The following AGAP1 variants were observed in gnomAD, a reference collection of about 807,000 sequenced individuals.
AGAP1 encodes arf-GAP with GTPase, ANK repeat and PH domain-containing protein 1.
In AGAP1, 29 loss-of-function variants were observed where a neutral mutation model predicts 105.3. That is an observed-to-expected ratio of 0.28 (90% CI 0.21 to 0.38). The LOEUF is 0.38. Ranked by LOEUF, AGAP1 falls within the 10% of genes least tolerant of loss-of-function variation. The probability of loss-of-function intolerance (pLI) is 1.00; values close to 1 mark genes in which losing one functional copy is unlikely to be tolerated. For synonymous variants in AGAP1, 509 were observed against 485.9 expected, an observed-to-expected ratio of 1.05 and a Z score of -0.63; for missense variants, 998 against 1,165.1, an observed-to-expected ratio of 0.86 and a Z score of 2.09.
chr2:235,766,387 G>T (rs2696386), intron 6 of AGAP1, among the ~76,000 whole-genome samples: 1 of 152,028 alleles, frequency 6.6e-6, no homozygotes. Flanking sequence ...TTAGTAAACC[G>T]CCACTAGGGG....
chr2:235,938,674 C>T (rs10208807), intron 12 of AGAP1, among the ~76,000 whole-genome samples: 90,150 of 151,932 alleles, frequency 0.59, 27,359 homozygotes, highest in South Asian at 0.75. Context: ...ACTAAGAGGA[C>T]GAGAGAGGTT....
Position 235,792,422 on chromosome 2 carries a change from A to G in AGAP1, c.674-5337A>G, listed in dbSNP as rs1426772061. On this transcript the variant is annotated intron_variant, in intron 6 of 17. Transcript: ENST00000304032. This position sits in a 1 kb window ranked among gnomAD's most constrained non-coding sequence, Gnocchi z 5.3. The stretch of plus-strand genomic sequence containing the variant: ...AGTGGACAAGCCACCTTCCCCAAAC[A>G]TGAAAGAGCCCAGTTTTGCTAAGGA... Among the ~76,000 whole-genome samples, 2 of 152,150 alleles carry G rather than the reference A, an allele frequency of 1.3e-5. No homozygotes were observed. Among genetic ancestry groups the G allele is most frequent in the African/African-American group, 2.4e-5 (1 of 41,412 alleles).
intron 9 of AGAP1, among the ~76,000 whole-genome samples, chr2:235,876,560 C>G (rs1183601501): frequency 1.3e-5 from 2 of 152,176 alleles, no homozygotes; most frequent in Non-Finnish European, 2.9e-5. Context: ...CACCAGCCCC[C>G]CAGTGCTGTG....
rs959480362 is a variant in AGAP1 at position 235,550,764 on chromosome 2, T to G, written c.163+55915T>G. 6.6e-6 allele frequency among the ~76,000 whole-genome samples: 1 copy of G among 152,042 alleles called. No homozygotes were observed. The highest frequency in any genetic ancestry group is 1.5e-5 in the Non-Finnish European group (1 of 67,990). Reference sequence around the variant, plus strand: ...GAGCTCTTTGATGCTGATGAGATAGTGTTTATTTATTTTTATCTTATTTTT... The same window carrying G: ...GAGCTCTTTGATGCTGATGAGATAGGGTTTATTTATTTTTATCTTATTTTT... On this transcript the variant is annotated intron_variant, in intron 1 of 17. Coordinates refer to ENST00000304032, the MANE Select transcript of AGAP1 (RefSeq NM_001037131.3). This position sits in a 1 kb window ranked among gnomAD's most constrained non-coding sequence, Gnocchi z 4.6.
intron 10 of AGAP1, among the ~76,000 whole-genome samples, chr2:235,899,230 T>C (rs2050947226): frequency 6.6e-6 from 1 of 152,184 alleles, no homozygotes; most frequent in Non-Finnish European, 1.5e-5. Flanking sequence ...CTCTACTGTT[T>C]GGCCGGGCGC....
intron 7 of AGAP1, among the ~76,000 whole-genome samples, chr2:235,798,870 CAAAA>C (rs1041317180): frequency 1.8e-4 from 9 of 49,028 alleles, no homozygotes; most frequent in Non-Finnish European, 3.3e-4. Flanking sequence ...GACCCTGTCT[CAAAA>C]AAAAAAAAAA....
At chr2:235,743,507 T>G (rs1952710605) in intron 4 of AGAP1, among the ~76,000 whole-genome samples, 1 of 152,176 alleles carries the variant, frequency 6.6e-6, no homozygotes, top group African/African-American at 2.4e-5. Context: ...GCACTCTCTG[T>G]GGGAGCTGCT....
At position 235,739,019 on chromosome 2, in the gene AGAP1, G is replaced by A. The variant is rs968371752; in HGVS notation, c.311-1944G>A. ...AGCAGGCTTATTCAATGTTAAATAC[G>A]ACTTTTATTAAAGCAGGTTAAAAGA... On this transcript the variant is annotated intron_variant, in intron 3 of 17. Coordinates refer to ENST00000304032, the MANE Select transcript of AGAP1 (RefSeq NM_001037131.3). The surrounding 1 kb of genome is among the most constrained non-coding windows in gnomAD (Gnocchi z 5.3). Among the ~76,000 whole-genome samples, 2 of 152,102 alleles carry A rather than the reference G, an allele frequency of 1.3e-5. No homozygotes were observed. Among genetic ancestry groups the A allele is most frequent in the East Asian group, 1.9e-4 (1 of 5,200 alleles).
chr2:235,735,916 G>A (rs1261293434), intron 3 of AGAP1, among the ~76,000 whole-genome samples: 3 of 152,010 alleles, frequency 2.0e-5, no homozygotes, highest in Admixed American at 6.6e-5. Context: ...TAGCTCGGGC[G>A]AGGTGAGAGC....
chr2:235,898,980 A>G (rs538243036), intron 10 of AGAP1, among the ~76,000 whole-genome samples: 1 of 152,362 alleles, frequency 6.6e-6, no homozygotes, highest in South Asian at 2.1e-4. Flanking sequence ...CTTGGCAGGC[A>G]TTATGTTTAG....
rs1365173407 is a variant in AGAP1, at chr2:235,976,197, C to T, written c.1645+7574C>T. Among the ~76,000 whole-genome samples, 1 of 152,176 alleles carries T rather than the reference C, an allele frequency of 6.6e-6. No homozygotes were observed. The highest frequency in any genetic ancestry group is 1.5e-5 in the Non-Finnish European group (1 of 68,028). ...CCATGCATCCCGACGGACTTGCCTC[C>T]TCCCCACAAACTAGATGACTTTTCC... is the stretch of plus-strand genomic sequence containing the variant. On this transcript the variant is annotated intron_variant, in intron 13 of 17. Transcript: ENST00000304032. This position sits in a 1 kb window ranked among gnomAD's most constrained non-coding sequence, Gnocchi z 4.5.
intron 6 of AGAP1, among the ~76,000 whole-genome samples, chr2:235,770,942 C>G (rs1710822): frequency 6.6e-6 from 1 of 151,768 alleles, no homozygotes; most frequent in East Asian, 1.9e-4. Flanking sequence ...TCTTGAATAC[C>G]TTCTGATTGG....
chr2:235,553,880 C>G lies in AGAP1; in HGVS notation c.163+59031C>G, dbSNP rs2149121179. 6.6e-6 allele frequency among the ~76,000 whole-genome samples: 1 copy of G among 152,350 alleles called. No individual in the cohort carries two copies. Among genetic ancestry groups the G allele is most frequent in the East Asian group, 1.9e-4 (1 of 5,188 alleles). On this transcript the variant is annotated intron_variant, in intron 1 of 17. Coordinates refer to ENST00000304032, the MANE Select transcript of AGAP1 (RefSeq NM_001037131.3). This position sits in a 1 kb window ranked among gnomAD's most constrained non-coding sequence, Gnocchi z 4.5. ...GTGAAAGGAACTTCCACGTAAGGAT[C>G]CCGAAGCACGGTTGCCTCCGCCTCC...
intron 1 of AGAP1, among the ~76,000 whole-genome samples, chr2:235,526,631 T>TA (rs1169442675): frequency 2.0e-5 from 3 of 151,012 alleles, no homozygotes; most frequent in East Asian, 3.9e-4. Flanking sequence ...CCTTAAAAAT[T>TA]AAAAAAAGTT....
intron 13 of AGAP1, among the ~76,000 whole-genome samples, chr2:235,985,636 G>A (rs1326761153): frequency 6.6e-6 from 1 of 152,202 alleles, no homozygotes; most frequent in Non-Finnish European, 1.5e-5. Flanking sequence ...AAGGTGTAAG[G>A]AAGGGGTCCA....
rs529939461 is a variant in AGAP1, at chr2:235,532,366, G to A, written c.163+37517G>A. ...CAAATACCTGGGACTGCAGGCCCAC[G>A]CCATCACACCTAGCTAATTTTTGTA... On this transcript the variant is annotated intron_variant, in intron 1 of 17. Transcript: ENST00000304032. Among the ~76,000 whole-genome samples, 19 of 152,274 alleles carry A rather than the reference G, an allele frequency of 1.2e-4. No homozygotes were observed. In the South Asian group the frequency reaches 3.5e-3, roughly 28 times the overall value.
intron 1 of AGAP1, among the ~76,000 whole-genome samples, chr2:235,675,181 G>C (rs940160370): frequency 7.4e-6 from 1 of 135,610 alleles, no homozygotes; most frequent in Non-Finnish European, 1.5e-5. Context: ...TTGGTTGGTT[G>C]GTTGGTTGGT....
rs930031524 is a variant in AGAP1 at position 235,728,371 on chromosome 2, A to G, written c.310+10727A>G. ...TAAATTAGGCTATATACAGCTGCCA[A>G]TAATCTGCAAAAGATGACAGTTTCA... On this transcript the variant is annotated intron_variant, in intron 3 of 17. Coordinates refer to ENST00000304032, the MANE Select transcript of AGAP1 (RefSeq NM_001037131.3). The surrounding 1 kb of genome is among the most constrained non-coding windows in gnomAD (Gnocchi z 4.3). 4.0e-5 allele frequency among the ~76,000 whole-genome samples: 6 copies of G among 151,470 alleles called. No individual in the cohort carries two copies. Among genetic ancestry groups the G allele is most frequent in the Admixed American group, 6.6e-5 (1 of 15,228 alleles).
At chr2:236,031,119 A>C (rs567519114) in intron 13 of AGAP1, among the ~76,000 whole-genome samples, 2 of 152,340 alleles carry the variant, frequency 1.3e-5, no homozygotes, top group South Asian at 4.1e-4. Context: ...TTTAAAATCC[A>C]AAACTGATTA....
Sources: allele counts gnomAD v4.1 joint callset (sites outside exome capture counted in the v4.1 genomes callset), GRCh38; gene constraint gnomAD v4.1.1; non-coding constraint Gnocchi (gnomAD v3.1); transcripts MANE v1.5; gene names NCBI Gene and HGNC (gene_info 2026-07-23, HGNC 2026-07-21).